The following LRRC69 variants were observed in gnomAD, a reference collection of about 807,000 sequenced individuals.
The protein encoded by LRRC69 is leucine rich repeat containing 69, also known as leucine-rich repeat-containing protein 69.
LRRC69 carries 42 observed loss-of-function variants against 37.8 expected under a neutral mutation model. The observed-to-expected ratio is 1.11, with a 90% CI of 0.87 to 1.44. The LOEUF (loss-of-function observed/expected upper bound fraction) is 1.44. LRRC69 is among the 40% of genes most tolerant of loss of function. The pLI, the probability that LRRC69 is intolerant of heterozygous loss-of-function variation, is 0.00. For synonymous variants in LRRC69, 141 were observed against 143.1 expected (o/e 0.99, Z 0.11); for missense variants, 357 against 401.9 (o/e 0.89, Z 0.96).
At chr8:91,161,997 T>G (rs1808953378) in intron 5 of LRRC69, among the ~76,000 whole-genome samples, 2 of 151,496 alleles carry the variant, frequency 1.3e-5, no homozygotes, top group Non-Finnish European at 3.0e-5. Flanking sequence ...GTTTTCTTCT[T>G]AATTTCTTTA....
chr8:91,219,034 A>T, downstream of LRRC69: 2 of 1,232,842 alleles, frequency 1.6e-6, no homozygotes, highest in Non-Finnish European at 2.3e-6. Flanking sequence ...GCCTCACTCC[A>T]CTTGCCCTGT....
At chr8:91,185,583 T>C (rs60301326) in intron 5 of LRRC69, among the ~76,000 whole-genome samples, 9 of 151,392 alleles carry the variant, frequency 5.9e-5, no homozygotes, top group Non-Finnish European at 3.0e-5. Context: ...AGATATTTTT[T>C]CTTTCTTATG....
At chr8:91,159,079 C>A (rs926075266) in intron 5 of LRRC69, among the ~76,000 whole-genome samples, 2 of 151,170 alleles carry the variant, frequency 1.3e-5, no homozygotes, top group Admixed American at 6.6e-5. Flanking sequence ...CTGTGTGCTC[C>A]TCAAAGGAAC....
intron 5 of LRRC69, among the ~76,000 whole-genome samples, chr8:91,185,345 G>GTC (rs531618572): frequency 1.5e-3 from 212 of 141,564 alleles, no homozygotes; most frequent in African/African-American, 4.8e-3. Context: ...CTGTCTGTCT[G>GTC]TCTCTCTCTC....
chr8:91,127,225 T>C, intron 3 of LRRC69, 65 bp downstream of exon 3: 5 of 1,175,684 alleles, frequency 4.3e-6, no homozygotes, highest in Non-Finnish European at 4.9e-6. Context: ...ACCCTGGTCA[T>C]TTGAAAGCAT....
chr8:91,187,486 T>C (rs1216773550), intron 5 of LRRC69, among the ~76,000 whole-genome samples: 1 of 152,216 alleles, frequency 6.6e-6, no homozygotes, highest in Non-Finnish European at 1.5e-5. Context: ...GCAGACTCTT[T>C]ATGTTGGATC....
At chr8:91,147,938 A>G (rs1007478854) in intron 5 of LRRC69, among the ~76,000 whole-genome samples, 2 of 150,884 alleles carry the variant, frequency 1.3e-5, no homozygotes, top group Non-Finnish European at 3.0e-5. Context: ...CAGCTCCCAC[A>G]TATGAGTGAG....
chr8:91,175,365 C>A (rs1283554242), intron 5 of LRRC69, among the ~76,000 whole-genome samples: 2 of 152,116 alleles, frequency 1.3e-5, no homozygotes, highest in Non-Finnish European at 2.9e-5. Flanking sequence ...TCTGCTTATA[C>A]CTTTTTTCTA....
chr8:91,126,396 T>C (rs984626904), intron 2 of LRRC69, among the ~76,000 whole-genome samples: 5 of 152,018 alleles, frequency 3.3e-5, no homozygotes, highest in African/African-American at 1.2e-4. Context: ...CCTTTAAAAA[T>C]CTTTGAATTA....
intron 5 of LRRC69, among the ~76,000 whole-genome samples, chr8:91,185,399 T>C (rs1809391960): frequency 6.6e-6 from 1 of 152,026 alleles, no homozygotes; most frequent in Admixed American, 6.6e-5. Flanking sequence ...CCTGGGAGTT[T>C]AGTTATCTAT....
At chr8:91,119,693 T>C (rs1813582718) in intron 1 of LRRC69, among the ~76,000 whole-genome samples, 1 of 152,044 alleles carries the variant, frequency 6.6e-6, no homozygotes. Flanking sequence ...ACTTTTTCCT[T>C]TTCCTCAAAC....
At position 91,196,316 on chromosome 8, in the gene LRRC69, A is replaced by G. The variant is rs1338074309; in HGVS notation, c.754-4297A>G. Reference sequence around the variant, plus strand: ...TTCAAGTTTGGTGAATCTGACAATTATGTGTCTTGGAGTTGCTCTTCTCGA... The same window carrying G: ...TTCAAGTTTGGTGAATCTGACAATTGTGTGTCTTGGAGTTGCTCTTCTCGA... On this transcript the variant is annotated intron_variant, in intron 6 of 7. Transcript: ENST00000448384. 2.6e-5 allele frequency among the ~76,000 whole-genome samples: 4 copies of G among 151,596 alleles called. No homozygotes were observed. In the East Asian group the frequency reaches 7.7e-4, roughly 29 times the overall value.
Position 91,127,167 on chromosome 8 carries a change from T to C in LRRC69, c.383+7T>C. 3 of 1,546,976 alleles carry C rather than the reference T, an allele frequency of 1.9e-6. No individual in the cohort carries two copies. The highest frequency in any genetic ancestry group is 2.6e-6 in the Non-Finnish European group (3 of 1,144,772). ...TTCCTCAAGAAGTCAGCAGGTAATT[T>C]TGTTTATAGCAAGACTTGGTTAACA... On this transcript the variant is annotated splice_region_variant and intron_variant, in intron 3 of 7. Coordinates refer to ENST00000448384, the Ensembl canonical transcript of LRRC69.
At chr8:91,216,374 A>G (rs1432641321) in intron 7 of LRRC69, among the ~76,000 whole-genome samples, 1 of 152,152 alleles carries the variant, frequency 6.6e-6, no homozygotes, top group Non-Finnish European at 1.5e-5. Context: ...TGCCTTTAAT[A>G]CTTTCTATTA....
intron 1 of LRRC69, among the ~76,000 whole-genome samples, chr8:91,109,977 A>G (rs1478942217): frequency 6.6e-6 from 1 of 152,064 alleles, no homozygotes; most frequent in Non-Finnish European, 1.5e-5. Context: ...AAAGGCATTG[A>G]TAAGAATTAG....
At chr8:91,202,598 G>A (rs1013313931) in intron 7 of LRRC69, among the ~76,000 whole-genome samples, 2 of 152,166 alleles carry the variant, frequency 1.3e-5, no homozygotes, top group African/African-American at 4.8e-5. Flanking sequence ...GGAACAGTGT[G>A]TATTAATGGG....
intron 2 of LRRC69, 124 bp from the exon 3 acceptor site, chr8:91,126,964 C>A: frequency 1.5e-6 from 1 of 681,780 alleles, no homozygotes. Context: ...TTTCTGTTAC[C>A]ACCACCAAAA....
intron 5 of LRRC69, among the ~76,000 whole-genome samples, chr8:91,154,906 T>C (rs911620208): frequency 3.3e-5 from 5 of 151,636 alleles, no homozygotes; most frequent in African/African-American, 1.2e-4. Context: ...ATAAAGGGTT[T>C]TCAAATATGA....
At chr8:91,105,587 G>A (rs914978111) in intron 1 of LRRC69, among the ~76,000 whole-genome samples, 1 of 147,764 alleles carries the variant, frequency 6.8e-6, no homozygotes, top group Non-Finnish European at 1.5e-5. Context: ...CCTGAGCCCG[G>A]AATGTGGGAG....
Sources: gnomAD v4.1 joint callset for allele counts (sites outside exome capture counted in the v4.1 genomes callset) on GRCh38, gnomAD v4.1.1 for gene constraint, MANE v1.5 for transcripts, NCBI Gene and HGNC (gene_info 2026-07-23, HGNC 2026-07-21) for gene names.